The following SOX5 variants were observed in gnomAD, a reference collection of about 807,000 sequenced individuals.
The protein encoded by SOX5 is transcription factor SOX-5.
SOX5 carries 9 observed loss-of-function variants against 92.0 expected under a neutral mutation model. The observed-to-expected ratio is 0.10, with a 90% CI of 0.06 to 0.17. SOX5 has a LOEUF of 0.17. Ranked by LOEUF, SOX5 falls within the 10% of genes least tolerant of loss-of-function variation. SOX5 has a pLI of 1.00. For missense variants in SOX5, 642 were observed against 944.5 expected (o/e 0.68, Z 4.20); for synonymous variants, 344 against 336.3 (o/e 1.02, Z -0.25).
At chr12:23,657,735 T>C (rs2082492452) in intron 7 of SOX5, among the ~76,000 whole-genome samples, 1 of 152,280 alleles carries the variant, frequency 6.6e-6, no homozygotes, top group East Asian at 1.9e-4. Flanking sequence ...TATGACAAAC[T>C]CATATGGTAA....
intron 9 of SOX5, among the ~76,000 whole-genome samples, chr12:23,578,826 T>C (rs1448364386): frequency 6.6e-6 from 1 of 152,244 alleles, no homozygotes; most frequent in Non-Finnish European, 1.5e-5. Context: ...ACTTCTGTCA[T>C]GATGCCTTTA....
chr12:24,262,438 T>C (rs528111323), intron 3 of SOX5, among the ~76,000 whole-genome samples: 4 of 152,326 alleles, frequency 2.6e-5, no homozygotes, highest in South Asian at 4.1e-4. Context: ...TTTGTCACCA[T>C]TGACAAACAA....
At position 24,446,774 on chromosome 12, in the gene SOX5, A is replaced by G. The variant is rs182144261; in HGVS notation, c.-250-78135T>C. Among the ~76,000 whole-genome samples, 4 of 152,304 alleles carry G rather than the reference A, an allele frequency of 2.6e-5. No individual in the cohort carries two copies. The East Asian group carries it at 7.7e-4, about 29-fold the overall frequency. On this transcript the variant is annotated intron_variant, in intron 1 of 4. Transcript: ENST00000446891. ...TAAGGATAAACATAATATATGTTTT[A>G]TATCAACAATTCCCCCCAAAAAACA... is the stretch of plus-strand genomic sequence containing the variant.
At position 23,531,973 on chromosome 12, in the gene SOX5, T is replaced by C. The variant is rs1010222796; in HGVS notation, c.*2246A>G. ...TATACATACATATATGAGTTGGAGA[T>C]GGAAATTTGTTTTAAATATCTAACA... On this transcript the variant is annotated 3_prime_UTR_variant, in exon 15 of 15. Coordinates refer to ENST00000451604, the MANE Select transcript of SOX5 (RefSeq NM_006940.6). The C allele has an allele frequency of 6.6e-6, 1 of 150,632 alleles. No homozygotes were observed. Among genetic ancestry groups the C allele is most frequent in the Non-Finnish European group, 1.5e-5 (1 of 67,742 alleles). The allele number at this position is 150,632 out of a possible 1,614,324, so 9.3% of individuals were successfully genotyped here. A position where few individuals can be genotyped will look rare whatever the true frequency, so the allele number is the denominator to read the frequency against.
intron 3 of SOX5, among the ~76,000 whole-genome samples, chr12:24,238,602 CT>C (rs1200614985): frequency 6.6e-6 from 1 of 152,176 alleles, no homozygotes; most frequent in African/African-American, 2.4e-5. Flanking sequence ...AGTCATCAGT[CT>C]TCCTCAGCTT....
upstream of SOX5, chr12:23,949,753 CCTCTCTCTCTCTG>C: frequency 3.3e-5 from 24 of 732,740 alleles, no homozygotes; most frequent in Admixed American, 1.0e-4. Flanking sequence ...TCTCTCTCTC[CCTCTCTCTCTCTG>C]TCTCTCTCTC....
At position 23,776,093 on chromosome 12, in the gene SOX5, G is replaced by A. The variant is rs113677566; in HGVS notation, c.482-20369C>T. Among the ~76,000 whole-genome samples, 418 of 152,208 alleles carry A rather than the reference G, an allele frequency of 2.7e-3. 1 individual carries two copies. Among genetic ancestry groups the A allele is most frequent in the African/African-American group, 9.6e-3 (397 of 41,534 alleles). ...TTAAGTAATGCTAATAAATATAATC[G>A]TACTCAGAGAAAATGAAATTTATAA... On this transcript the variant is annotated intron_variant, in intron 3 of 14. Transcript: ENST00000451604.
intron 1 of SOX5, among the ~76,000 whole-genome samples, chr12:24,505,959 A>T (rs1330631146): frequency 6.6e-6 from 1 of 151,984 alleles, no homozygotes; most frequent in Non-Finnish European, 1.5e-5. Context: ...CATTATGAAT[A>T]TTTATAGGAT....
chr12:23,727,866 G>C (rs1194672883), intron 6 of SOX5, among the ~76,000 whole-genome samples: 1 of 151,976 alleles, frequency 6.6e-6, no homozygotes, highest in East Asian at 1.9e-4. Context: ...TTTCTTTTTG[G>C]TACTTTCTTA....
At chr12:24,045,638 G>A (rs2137048468) in intron 4 of SOX5, among the ~76,000 whole-genome samples, 2 of 152,226 alleles carry the variant, frequency 1.3e-5, no homozygotes, top group Non-Finnish European at 2.9e-5. Context: ...ATGAGAAACT[G>A]CTATGTACTT....
chr12:23,998,237 C>T (rs1011559588), intron 4 of SOX5, among the ~76,000 whole-genome samples: 2 of 151,404 alleles, frequency 1.3e-5, no homozygotes, highest in African/African-American at 4.9e-5. Flanking sequence ...TACATCAATA[C>T]AAAGATAAAA....
intron 3 of SOX5, among the ~76,000 whole-genome samples, chr12:23,800,284 G>C (rs1158671192): frequency 2.6e-5 from 4 of 152,170 alleles, no homozygotes; most frequent in African/African-American, 9.6e-5. Flanking sequence ...ATGTCAATGA[G>C]AATAATGGAG....
At chr12:24,462,240 G>A (rs1943717638) in intron 1 of SOX5, among the ~76,000 whole-genome samples, 1 of 152,138 alleles carries the variant, frequency 6.6e-6, no homozygotes, top group Non-Finnish European at 1.5e-5. Flanking sequence ...AATACTGTAG[G>A]CAATTGCAAC....
intron 1 of SOX5, among the ~76,000 whole-genome samples, chr12:24,395,241 G>A (rs1415587319): frequency 4.6e-5 from 7 of 150,952 alleles, no homozygotes; most frequent in African/African-American, 1.7e-4. Flanking sequence ...GGAGAACACA[G>A]ATCTATTAAA....
chr12:24,459,052 T>A (rs1416578719), intron 1 of SOX5, among the ~76,000 whole-genome samples: 2 of 152,196 alleles, frequency 1.3e-5, no homozygotes, highest in Non-Finnish European at 2.9e-5. Flanking sequence ...ACCAAAACTC[T>A]ATAAGCCAAG....
intron 1 of SOX5, among the ~76,000 whole-genome samples, chr12:24,445,417 T>G (rs1941323467): frequency 6.6e-6 from 1 of 152,198 alleles, no homozygotes; most frequent in African/African-American, 2.4e-5. Context: ...GACTATGAGT[T>G]TCATATAGAT....
At position 24,243,643 on chromosome 12, in the gene SOX5, G is replaced by A. The variant is rs928443693; in HGVS notation, c.-76-30226C>T. ...CCGTACATTGCCTTATAGAATAGTG[G>A]TATTATAGAATGATTTAACTAACCA... On this transcript the variant is annotated intron_variant, in intron 3 of 4. Coordinates refer to the SOX5 transcript ENST00000446891. 3.9e-5 allele frequency among the ~76,000 whole-genome samples: 6 copies of A among 152,100 alleles called. No homozygotes were observed. In the Middle Eastern group the frequency reaches 0.014, roughly 350 times the overall value.
chr12:24,210,163 A>C (rs1185652066), intron 4 of SOX5, among the ~76,000 whole-genome samples: 2 of 150,822 alleles, frequency 1.3e-5, no homozygotes, highest in East Asian at 3.9e-4. Context: ...TTATTTTCTC[A>C]TTTTGTATTA....
chr12:23,889,148 T>C (rs1205849059), intron 2 of SOX5, among the ~76,000 whole-genome samples: 1 of 152,166 alleles, frequency 6.6e-6, no homozygotes, highest in Non-Finnish European at 1.5e-5. Context: ...GAGAATGCTC[T>C]CCCTAAACAA....
Sources: gnomAD v4.1 joint callset for allele counts (sites outside exome capture counted in the v4.1 genomes callset) on GRCh38, gnomAD v4.1.1 for gene constraint, MANE v1.5 for transcripts, NCBI Gene and HGNC (gene_info 2026-07-23, HGNC 2026-07-21) for gene names.